The following GALNT13 variants were observed in gnomAD, a reference collection of about 807,000 sequenced individuals.
GALNT13 encodes the protein polypeptide N-acetylgalactosaminyltransferase 13.
In GALNT13, 28 loss-of-function variants were observed where a neutral mutation model predicts 64.2. The ratio of observed to expected loss-of-function variants is 0.44; its 90% confidence interval spans 0.32 to 0.60. GALNT13 has a LOEUF of 0.60. Ranked by LOEUF, GALNT13 falls within the 20% of genes least tolerant of loss-of-function variation. The pLI is 0.05. For synonymous variants in GALNT13, 214 were observed against 224.6 expected (o/e 0.95, Z 0.42); for missense variants, 577 against 669.8 (o/e 0.86, Z 1.53).
At chr2:154,009,626 G>A (rs1454759950) in intron 3 of GALNT13, among the ~76,000 whole-genome samples, 1 of 151,850 alleles carries the variant, frequency 6.6e-6, no homozygotes, top group Non-Finnish European at 1.5e-5. Context: ...AAGTAGCTGG[G>A]ACTACATGTG....
chr2:154,183,897 C>T (rs987177153), intron 4 of GALNT13, among the ~76,000 whole-genome samples: 6 of 151,108 alleles, frequency 4.0e-5, no homozygotes, highest in African/African-American at 1.5e-4. Context: ...TTTTCTAGTT[C>T]TTTGAAATGG....
At chr2:153,780,365 C>A in the GALNT13 span, among the ~76,000 whole-genome samples, 1 of 151,702 alleles carries the variant, frequency 6.6e-6, no homozygotes, top group African/African-American at 2.4e-5. Context: ...TTTAAACTAG[C>A]AAAGTGGGCT....
chr2:153,708,760 T>A, the GALNT13 span, among the ~76,000 whole-genome samples: 1 of 152,120 alleles, frequency 6.6e-6, no homozygotes, highest in African/African-American at 2.4e-5. Context: ...GCAATAGTAA[T>A]TAAAACAGCA....
chr2:154,191,026 G>A (rs947078469), intron 4 of GALNT13, among the ~76,000 whole-genome samples: 1 of 151,868 alleles, frequency 6.6e-6, no homozygotes, highest in Non-Finnish European at 1.5e-5. Flanking sequence ...CTATCATATT[G>A]GACTGTGCAA....
the GALNT13 span, among the ~76,000 whole-genome samples, chr2:153,125,507 G>C: frequency 6.6e-6 from 1 of 152,188 alleles, no homozygotes. Flanking sequence ...TCCTATAATA[G>C]TGCGCAGGAC....
At chr2:153,664,993 A>G in the GALNT13 span, among the ~76,000 whole-genome samples, 9 of 152,338 alleles carry the variant, frequency 5.9e-5, no homozygotes, top group Non-Finnish European at 8.8e-5. Flanking sequence ...AGTAACTAGA[A>G]CAAAAATTTG....
chr2:153,674,278 A>G, the GALNT13 span, among the ~76,000 whole-genome samples: 6 of 152,228 alleles, frequency 3.9e-5, no homozygotes, highest in African/African-American at 1.4e-4. Context: ...AGCTGGAGGC[A>G]TCATGCTACC....
At chr2:153,345,703 C>CTG in the GALNT13 span, among the ~76,000 whole-genome samples, 584 of 65,770 alleles carry the variant, frequency 8.9e-3, 11 homozygotes, top group Admixed American at 0.033. Flanking sequence ...TTCTTTCTTT[C>CTG]TCTTTCTCTC....
At chr2:154,449,112 A>G (rs1701741649) in intron 12 of GALNT13, among the ~76,000 whole-genome samples, 1 of 151,896 alleles carries the variant, frequency 6.6e-6, no homozygotes, top group Admixed American at 6.6e-5. Context: ...ATCTTTGGCC[A>G]TTTATTCCTT....
At chr2:154,192,178 G>T (rs907361263) in intron 4 of GALNT13, among the ~76,000 whole-genome samples, 3 of 152,144 alleles carry the variant, frequency 2.0e-5, no homozygotes, top group Non-Finnish European at 4.4e-5. Flanking sequence ...CTCTCAGGCC[G>T]GTGCGTTTCT....
the GALNT13 span, among the ~76,000 whole-genome samples, chr2:153,626,415 G>A: frequency 1.3e-5 from 2 of 151,976 alleles, no homozygotes; most frequent in Admixed American, 1.3e-4. Flanking sequence ...CAGGATTTCT[G>A]GATGCTATGT....
At chr2:153,235,082 A>G in the GALNT13 span, among the ~76,000 whole-genome samples, 19,768 of 152,076 alleles carry the variant, frequency 0.13, 1,641 homozygotes, top group Non-Finnish European at 0.18. Context: ...CTCATGTAGT[A>G]TGGGAAACTG....
chr2:154,274,428 T>C (rs1395833544), intron 8 of GALNT13, among the ~76,000 whole-genome samples: 7 of 152,166 alleles, frequency 4.6e-5, no homozygotes, highest in Non-Finnish European at 7.3e-5. Flanking sequence ...TGATCCTTGA[T>C]ATAGTTTGGC....
At chr2:153,520,590 G>A in the GALNT13 span, among the ~76,000 whole-genome samples, 1 of 152,074 alleles carries the variant, frequency 6.6e-6, no homozygotes, top group African/African-American at 2.4e-5. Context: ...GGTTCCCATG[G>A]AAGAGTTTTA....
the GALNT13 span, among the ~76,000 whole-genome samples, chr2:153,598,096 T>C: frequency 1.3e-5 from 2 of 152,128 alleles, no homozygotes; most frequent in African/African-American, 4.8e-5. Context: ...TACCCGTGCA[T>C]GTGTGTGTAT....
the GALNT13 span, among the ~76,000 whole-genome samples, chr2:153,714,560 A>C: frequency 2.0e-5 from 3 of 152,190 alleles, no homozygotes; most frequent in Non-Finnish European, 4.4e-5. Flanking sequence ...CAATTTTTTT[A>C]ATGGTGAAAC....
At chr2:153,883,389 A>G (rs943478685) in intron 1 of GALNT13, among the ~76,000 whole-genome samples, 2 of 152,072 alleles carry the variant, frequency 1.3e-5, no homozygotes, top group Non-Finnish European at 1.5e-5. Flanking sequence ...ATAATTATCA[A>G]ATTTCTGAGG....
chr2:153,574,129 G>GTTTTTTT, the GALNT13 span, among the ~76,000 whole-genome samples: 1 of 140,458 alleles, frequency 7.1e-6, no homozygotes, highest in Non-Finnish European at 1.6e-5. Context: ...GTAAGGTAAA[G>GTTTTTTT]TTTTTTTTTT....
chr2:153,833,106 C>T, the GALNT13 span, among the ~76,000 whole-genome samples: 1 of 152,132 alleles, frequency 6.6e-6, no homozygotes, highest in African/African-American at 2.4e-5. Flanking sequence ...TGTGAATTAT[C>T]TTTCTCCAGC....
Sources: gnomAD v4.1 joint callset for allele counts (sites outside exome capture counted in the v4.1 genomes callset) on GRCh38, gnomAD v4.1.1 for gene constraint, MANE v1.5 for transcripts, NCBI Gene and HGNC (gene_info 2026-07-23, HGNC 2026-07-21) for gene names.